The following ABCG1 variants were observed in gnomAD, a reference collection of about 807,000 sequenced individuals.
ABCG1 encodes the protein ATP-binding cassette sub-family G member 1.
A neutral mutation model predicts 69.2 loss-of-function variants in ABCG1; 29 were observed. The ratio of observed to expected loss-of-function variants is 0.42; its 90% CI spans 0.31 to 0.57. ABCG1 has a LOEUF of 0.57. ABCG1 is among the 20% of genes least tolerant of loss of function. ABCG1 has a pLI of 0.15. For synonymous variants in ABCG1, 370 were observed against 374.8 expected, an observed-to-expected ratio of 0.99 and a Z score of 0.15; for missense variants, 718 against 898.1, an observed-to-expected ratio of 0.80 and a Z score of 2.56.
rs896518835 is a variant in ABCG1 at position 42,282,353 on chromosome 21, A to C, written c.668A>C (p.Lys223Thr). The C allele has an allele frequency of 1.9e-6, 3 of 1,613,712 alleles. No homozygotes were observed. The highest frequency in any genetic ancestry group is 2.5e-6 in the Non-Finnish European group (3 of 1,180,018). Residue 223 changes from lysine to threonine, a missense_variant, in exon 6 of 15, where the codon AAG becomes ACG. By Grantham distance (78) the Lys-to-Thr change is moderately conservative (BLOSUM62 -1). This residue lies in a region of ABCG1 where 514 missense variants were observed against 574.3 expected (regional missense o/e 0.90). Transcript: ENST00000398449. ...RTGSLSGGQR[K>T]RLAIALELVN... ...GGGAGCCTGTCAGGTGGTCAGCGCA[A>C]GCGCCTGGCCATCGCGCTGGAGCTG...
chr21:42,228,080 T>TTAAAC (rs2067845411), intron 2 of ABCG1, among the ~76,000 whole-genome samples: 1 of 152,170 alleles, frequency 6.6e-6, no homozygotes, highest in Non-Finnish European at 1.5e-5. Context: ...CTCTAAGTGT[T>TTAAAC]TAAACTGATC....
chr21:42,208,310 C>T (rs949634504), intron 2 of ABCG1, among the ~76,000 whole-genome samples: 1 of 149,350 alleles, frequency 6.7e-6, no homozygotes, highest in South Asian at 2.1e-4. Context: ...TGATGCAAAA[C>T]AAAAATCTAG....
At chr21:42,278,070 C>G (rs1007006168) in intron 5 of ABCG1, among the ~76,000 whole-genome samples, 1 of 152,130 alleles carries the variant, frequency 6.6e-6, no homozygotes, top group African/African-American at 2.4e-5. Flanking sequence ...AGGAAAATGA[C>G]TCTTTGTTGC....
At chr21:42,217,049 C>A (rs1193673357), upstream of ABCG1, among the ~76,000 whole-genome samples, 1 of 152,208 alleles carries the variant, frequency 6.6e-6, no homozygotes, top group Non-Finnish European at 1.5e-5. Flanking sequence ...CATCCTCACG[C>A]TCCACACACC....
In ABCG1 at chr21:42,282,290, CAG is replaced by C. The variant is rs1569235286; in HGVS notation, c.606_607del (p.Leu204GlyfsTer38). 3.7e-6 allele frequency: 6 copies of C among 1,612,190 alleles called. No homozygotes were observed. The highest frequency in any genetic ancestry group is 4.2e-6 in the Non-Finnish European group (5 of 1,179,878). ...TGCCCCCAGGTCAAGGAGATACTGA[CAG>C]CGCTGGGCTTGCTGTCTTGCGCCAA... is the stretch of plus-strand genomic sequence containing the variant. On this transcript the variant is annotated frameshift_variant, in exon 6 of 15. Transcript: ENST00000398449. LOFTEE classifies it high-confidence loss of function.
chr21:42,282,523 G>A (rs1368421774), intron 6 of ABCG1, 104 bp downstream of exon 6: 33 of 1,388,334 alleles, frequency 2.4e-5, no homozygotes, highest in Non-Finnish European at 3.1e-5. Flanking sequence ...CTCAGAGGGG[G>A]TGAGTTGAGC....
intron 2 of ABCG1, among the ~76,000 whole-genome samples, chr21:42,259,658 G>C (rs731663): frequency 2.0e-5 from 3 of 152,220 alleles, no homozygotes; most frequent in Non-Finnish European, 4.4e-5. Flanking sequence ...CTAGAGCCAC[G>C]TGTTTGCAAA....
intron 2 of ABCG1, among the ~76,000 whole-genome samples, chr21:42,227,228 C>T (rs2067831061): frequency 6.6e-6 from 1 of 152,176 alleles, no homozygotes; most frequent in Non-Finnish European, 1.5e-5. Flanking sequence ...TCAGAGCATA[C>T]CAGCCTGTTC....
At chr21:42,277,089 T>C in intron 5 of ABCG1, 144 bp downstream of exon 5, 1 of 808,942 alleles carries the variant, frequency 1.2e-6, no homozygotes, top group Non-Finnish European at 2.1e-6. Flanking sequence ...ACAGGCAACA[T>C]TTCAGGGAGT....
In ABCG1 at chr21:42,251,638, C is replaced by T. The variant is rs532807421; in HGVS notation, c.287-19432C>T. ...CAGCCTGGTGTGGGGGAAGTGGAGG[C>T]GAGGCGGGGGGAATGGGAAACGTGT... On this transcript the variant is annotated intron_variant, in intron 2 of 14. Transcript: ENST00000398449. Among the ~76,000 whole-genome samples the T allele has an allele frequency of 3.3e-5, 5 of 150,442 alleles. No individual in the cohort carries two copies. The East Asian group carries it at 5.9e-4, about 18-fold the overall frequency.
In ABCG1 at chr21:42,273,772, G is replaced by T. The variant is rs980472239; in HGVS notation, c.537+337G>T. ...ATTTCTCCTGCAGGCCAGTGCTTGG[G>T]ATTCTCCTTCCTGTCAGCTATCCTT... On this transcript the variant is annotated intron_variant, in intron 4 of 14. Coordinates refer to ENST00000398449, the MANE Select transcript of ABCG1 (RefSeq NM_016818.3). The surrounding 1 kb of genome is among the most constrained non-coding windows in gnomAD (Gnocchi z 5.3). 1.3e-5 allele frequency among the ~76,000 whole-genome samples: 2 copies of T among 152,170 alleles called. No individual in the cohort carries two copies. Among genetic ancestry groups the T allele is most frequent in the African/African-American group, 4.8e-5 (2 of 41,424 alleles).
intron 13 of ABCG1, among the ~76,000 whole-genome samples, chr21:42,293,260 T>C (rs375635692): frequency 4.1e-3 from 192 of 47,358 alleles, no homozygotes; most frequent in Middle Eastern, 0.021. Context: ...CTACACACCA[T>C]ACACTACACA....
intron 2 of ABCG1, among the ~76,000 whole-genome samples, chr21:42,258,645 C>G (rs1445440186): frequency 6.6e-6 from 1 of 152,160 alleles, no homozygotes; most frequent in Non-Finnish European, 1.5e-5. Context: ...CCATCCATCC[C>G]TCCATCCATC....
chr21:42,265,829 G>A (rs752795101), intron 2 of ABCG1, among the ~76,000 whole-genome samples: 1 of 152,182 alleles, frequency 6.6e-6, no homozygotes, highest in Non-Finnish European at 1.5e-5. Context: ...ACAGTCAGTG[G>A]TGTCCTGCCG....
In ABCG1 at chr21:42,224,098, G is replaced by A. The variant is rs560235404; in HGVS notation, c.43-1573G>A. Among the ~76,000 whole-genome samples the A allele has an allele frequency of 7.2e-5, 11 of 152,340 alleles. No individual in the cohort carries two copies. The East Asian group carries it at 7.7e-4, about 11-fold the overall frequency. On this transcript the variant is annotated intron_variant, in intron 1 of 14. Coordinates refer to ENST00000398449, the MANE Select transcript of ABCG1 (RefSeq NM_016818.3). ...AGCAGGATTGGGTAGAACCCAGCGC[G>A]TTCTGTGTCTTTATTTGTGTGGCAA...
At chr21:42,235,232 C>T (rs1233191433) in intron 2 of ABCG1, among the ~76,000 whole-genome samples, 1 of 152,166 alleles carries the variant, frequency 6.6e-6, no homozygotes, top group African/African-American at 2.4e-5. Flanking sequence ...CAGGCTTGAG[C>T]GGTGACTGGG....
chr21:42,284,464 G>A, intron 6 of ABCG1, 96 bp from the exon 7 acceptor site: 1 of 1,462,430 alleles, frequency 6.8e-7, no homozygotes, highest in Non-Finnish European at 9.2e-7. Flanking sequence ...CTGATGCCAA[G>A]CCCTCTGGGA....
At chr21:42,251,819 G>A (rs2068226420) in intron 2 of ABCG1, among the ~76,000 whole-genome samples, 1 of 152,228 alleles carries the variant, frequency 6.6e-6, no homozygotes, top group African/African-American at 2.4e-5. Context: ...GCCAGCACTG[G>A]CCTTGGGCAT....
At chr21:42,216,746 G>A (rs1013913322), upstream of ABCG1, among the ~76,000 whole-genome samples, 9 of 152,230 alleles carry the variant, frequency 5.9e-5, no homozygotes. Context: ...GCCAGTTGGA[G>A]TTTCTGTCCT....
Sources: gnomAD v4.1 joint callset for allele counts (sites outside exome capture counted in the v4.1 genomes callset) on GRCh38, gnomAD v4.1.1 for gene constraint, gnomAD v4.1.1 regional missense constraint, Gnocchi (gnomAD v3.1) non-coding constraint, MANE v1.5 for transcripts, NCBI Gene and HGNC (gene_info 2026-07-23, HGNC 2026-07-21) for gene names.